Variants in SORCS1 observed in about 807,000 individuals in gnomAD.
SORCS1 encodes sortilin related VPS10 domain containing receptor 1, also known as VPS10 domain-containing receptor SorCS1.
SORCS1 carries 60 observed loss-of-function variants against 146.1 expected under a neutral mutation model. That is an observed-to-expected ratio of 0.41 (90% CI 0.33 to 0.51). The LOEUF (loss-of-function observed/expected upper bound fraction) is 0.51, where lower values mean the gene tolerates loss of function less well. Among genes scored for constraint, SORCS1 ranks in the 20% least tolerant of loss-of-function variants. The probability of loss-of-function intolerance (pLI) is 0.21; values close to 1 mark genes in which losing one functional copy is unlikely to be tolerated. For synonymous variants in SORCS1, 637 were observed against 584.0 expected (o/e 1.09, Z -1.31); for missense variants, 1,352 against 1,487.6 (o/e 0.91, Z 1.50).
At chr10:106,787,045 C>A (rs1946089114) in intron 3 of SORCS1, among the ~76,000 whole-genome samples, 1 of 152,108 alleles carries the variant, frequency 6.6e-6, no homozygotes, top group Non-Finnish European at 1.5e-5. Flanking sequence ...ACATAAATTA[C>A]CCAGATTAAA....
At chr10:106,910,283 TTGTGTGTGTGTG>T (rs141789814) in intron 2 of SORCS1, among the ~76,000 whole-genome samples, 2 of 146,034 alleles carry the variant, frequency 1.4e-5, no homozygotes, top group Non-Finnish European at 3.0e-5. Context: ...TCTCTTTACA[TTGTGTGTGTGTG>T]TGTGTGTGTG....
chr10:107,025,520 G>A (rs1366127463), intron 1 of SORCS1, among the ~76,000 whole-genome samples: 1 of 152,150 alleles, frequency 6.6e-6, no homozygotes, highest in East Asian at 1.9e-4. Context: ...TGGTGCTATT[G>A]TTTCATGATG....
chr10:107,178,386 A>G, the SORCS1 span, among the ~76,000 whole-genome samples: 1 of 151,848 alleles, frequency 6.6e-6, no homozygotes, highest in African/African-American at 2.4e-5. Flanking sequence ...AACATGTGAT[A>G]TTTGTCTTTC....
chr10:106,952,475 T>C (rs12245675), intron 2 of SORCS1, among the ~76,000 whole-genome samples: 66,050 of 151,138 alleles, frequency 0.44, 17,013 homozygotes, highest in Non-Finnish European at 0.58. Flanking sequence ...GGAGGTTTCC[T>C]AAACTCTTGA....
At chr10:107,039,039 T>C (rs1959042629) in intron 1 of SORCS1, among the ~76,000 whole-genome samples, 2 of 152,158 alleles carry the variant, frequency 1.3e-5, no homozygotes, top group Non-Finnish European at 2.9e-5. Context: ...GATGACTTTC[T>C]TTGTAAACAA....
chr10:106,813,299 A>AT (rs771941910), intron 3 of SORCS1, among the ~76,000 whole-genome samples: 33 of 151,478 alleles, frequency 2.2e-4, no homozygotes, highest in Non-Finnish European at 4.4e-4. Context: ...AGCCCAGCTA[A>AT]TTTTTTGTAT....
intron 3 of SORCS1, among the ~76,000 whole-genome samples, chr10:106,778,331 A>G (rs1860620375): frequency 6.6e-6 from 1 of 152,074 alleles, no homozygotes; most frequent in African/African-American, 2.4e-5. Context: ...AAAACTGAAG[A>G]CTAATTGCCT....
In SORCS1 at chr10:106,776,649, A is replaced by T; in HGVS notation, c.770T>A (p.Ile257Asn). The T allele has an allele frequency of 6.2e-7, 1 of 1,614,066 alleles. No individual in the cohort carries two copies. Among genetic ancestry groups the T allele is most frequent in the Non-Finnish European group, 8.5e-7 (1 of 1,179,924 alleles). Reference protein sequence around the residue: ...TDPEIESSLLISSDEGATYQK... With the variant: ...TDPEIESSLLNSSDEGATYQK... ...ATAAGTTGCCCCTTCATCTGAGCTG[A>T]TCAATAAACTGCTCTCAATCTCCGG... is the stretch of plus-strand genomic sequence containing the variant. Residue 257 changes from isoleucine to asparagine, a missense_variant, in exon 4 of 26, where the codon ATC (isoleucine) becomes AAC (asparagine). Physicochemically the swap from Ile to Asn is moderately radical, Grantham distance 149. This residue lies in a region of SORCS1 where 490 missense variants were observed against 489.1 expected (regional missense o/e 1.00). Coordinates refer to ENST00000263054, the MANE Select transcript of SORCS1 (RefSeq NM_052918.5).
chr10:107,153,233 T>C (rs1230852795), intron 1 of SORCS1, among the ~76,000 whole-genome samples: 2 of 152,090 alleles, frequency 1.3e-5, no homozygotes, highest in Non-Finnish European at 2.9e-5. Context: ...GTGCTCACAA[T>C]CAGTAAACAT....
intron 18 of SORCS1, among the ~76,000 whole-genome samples, chr10:106,635,508 T>C (rs986440159): frequency 2.1e-4 from 32 of 152,074 alleles, no homozygotes; most frequent in Non-Finnish European, 3.1e-4. Context: ...ACTGTTAATA[T>C]TGATTACCCT....
At chr10:107,086,803 G>A (rs1219507156) in intron 1 of SORCS1, among the ~76,000 whole-genome samples, 2 of 152,220 alleles carry the variant, frequency 1.3e-5, no homozygotes, top group Non-Finnish European at 2.9e-5. Flanking sequence ...GCCAAGGCAG[G>A]TGGATCACCA....
intron 22 of SORCS1, among the ~76,000 whole-genome samples, chr10:106,607,763 C>T (rs1846707499): frequency 6.6e-6 from 1 of 152,138 alleles, no homozygotes; most frequent in Admixed American, 6.5e-5. Flanking sequence ...CATGCCTTAG[C>T]CCTTTCTAAC....
rs184225257 is a variant in SORCS1 at position 106,942,768 on chromosome 10, G to A, written c.626+13745C>T. Among the ~76,000 whole-genome samples, 362 of 152,110 alleles carry A rather than the reference G, an allele frequency of 2.4e-3. 2 individuals carry two copies. The highest frequency in any genetic ancestry group is 2.8e-3 in the Admixed American group (43 of 15,292). ...CTGGATAATTCCTCCACCTGACCTT[G>A]GATTCCATACCTTCTCTACCACTCA... is the stretch of plus-strand genomic sequence containing the variant. On this transcript the variant is annotated intron_variant, in intron 2 of 25. Coordinates refer to ENST00000263054, the MANE Select transcript of SORCS1 (RefSeq NM_052918.5).
intron 25 of SORCS1, chr10:106,579,111 T>G (rs370324632): frequency 6.2e-7 from 1 of 1,613,948 alleles, no homozygotes; most frequent in Non-Finnish European, 8.5e-7. Flanking sequence ...GGATTCCACC[T>G]TCTCATCTAT....
At chr10:107,122,267 T>C (rs1966452614) in intron 1 of SORCS1, among the ~76,000 whole-genome samples, 1 of 152,228 alleles carries the variant, frequency 6.6e-6, no homozygotes, top group Non-Finnish European at 1.5e-5. Flanking sequence ...ATTTCGTCCA[T>C]GTACTATTTC....
intron 21 of SORCS1, 118 bp from the exon 22 acceptor site, chr10:106,612,141 T>C: frequency 1.4e-6 from 1 of 695,280 alleles, no homozygotes; most frequent in Non-Finnish European, 2.4e-6. Flanking sequence ...CATAGGGACC[T>C]TTTTAGAAGG....
At chr10:106,741,284 A>ATG (rs10642819) in intron 5 of SORCS1, among the ~76,000 whole-genome samples, 60,048 of 151,962 alleles carry the variant, frequency 0.4, 16,544 homozygotes, top group African/African-American at 0.77. Flanking sequence ...TAGGAAGATA[A>ATG]TGTGTGTCTT....
Position 106,992,105 on chromosome 10 carries a change from C to T in SORCS1, c.559-35525G>A, listed in dbSNP as rs946128326. ...AAAAAGGTGAAGACTGAGCAATCAA[C>T]ACAGGATCACAATGGACAGGCTGTT... On this transcript the variant is annotated intron_variant, in intron 1 of 25. Coordinates refer to ENST00000263054, the MANE Select transcript of SORCS1 (RefSeq NM_052918.5). Among the ~76,000 whole-genome samples, 7 of 152,114 alleles carry T rather than the reference C, an allele frequency of 4.6e-5. No individual in the cohort carries two copies. In the South Asian group the frequency reaches 1.5e-3, roughly 32 times the overall value.
At chr10:106,830,578 CTTTT>C (rs769894046) in intron 2 of SORCS1, among the ~76,000 whole-genome samples, 3 of 135,592 alleles carry the variant, frequency 2.2e-5, no homozygotes, top group African/African-American at 8.5e-5. Flanking sequence ...TTTTTTTTTC[CTTTT>C]TTTTTTTTTT....
Sources: allele counts gnomAD v4.1 joint callset (sites outside exome capture counted in the v4.1 genomes callset), GRCh38; gene constraint gnomAD v4.1.1; regional missense constraint gnomAD v4.1.1; transcripts MANE v1.5; gene names NCBI Gene and HGNC (gene_info 2026-07-23, HGNC 2026-07-21).